GDPD5: variants seen among roughly 807,000 people sequenced by gnomAD.
GDPD5 encodes the protein glycerophosphodiester phosphodiesterase 2.
Under a neutral mutation model 75.1 loss-of-function variants are expected in GDPD5, and 48 were observed. That is an observed-to-expected ratio of 0.64 (90% CI 0.51 to 0.81). The LOEUF (loss-of-function observed/expected upper bound fraction) is 0.81. GDPD5 is among the 40% of genes least tolerant of loss of function. GDPD5 has a pLI of 0.00. For synonymous variants in GDPD5, 336 were observed against 339.0 expected, an observed-to-expected ratio of 0.99 and a Z score of 0.10; for missense variants, 706 against 822.6, an observed-to-expected ratio of 0.86 and a Z score of 1.73.
At chr11:75,441,379 T>G (rs995156801) in intron 13 of GDPD5, 69 bp from the exon 14 acceptor site, 2 of 1,575,886 alleles carry the variant, frequency 1.3e-6, no homozygotes, top group South Asian at 2.2e-5. Context: ...TCGGGGCTGG[T>G]AAAGCACGTC....
chr11:75,504,301 T>G (rs1376837606), intron 1 of GDPD5, among the ~76,000 whole-genome samples: 5 of 152,192 alleles, frequency 3.3e-5, no homozygotes, highest in Non-Finnish European at 2.9e-5. Context: ...CTGGGCACGG[T>G]GGCAGGTGAG....
intron 15 of GDPD5, chr11:75,439,384 G>T (rs576362752): frequency 4.4e-6 from 2 of 456,338 alleles, no homozygotes; most frequent in East Asian, 6.9e-5. Flanking sequence ...AGCAGAGAGA[G>T]GGGGAGGGGG....
rs1324234678 is a variant in GDPD5 at position 75,479,913 on chromosome 11, G to A, written c.-60-2118C>T. 3.3e-5 allele frequency among the ~76,000 whole-genome samples: 5 copies of A among 152,258 alleles called. No individual in the cohort carries two copies. The South Asian group carries it at 6.2e-4, about 19-fold the overall frequency. On this transcript the variant is annotated intron_variant, in intron 2 of 16. Transcript: ENST00000336898. ...CATTCCTTTTTATGTCTAACATTCT[G>A]TTGTATGGATCTACCACATTTTGTT... is the stretch of plus-strand genomic sequence containing the variant.
At position 75,458,702 on chromosome 11, in the gene GDPD5, T is replaced by TAAATAAATAAATA. The variant is rs1565193426; in HGVS notation, c.222-917_222-916insTATTTATTTATTT. ...TAAATAAATAAATAAATAAATAAAATAAATAAATAAAAAGTGCCTTTCATG... is the reference window on the plus strand; with the variant it reads ...TAAATAAATAAATAAATAAATAAAATAAATAAATAAATAAAATAAATAAAAAGTGCCTTTCATG... On this transcript the variant is annotated intron_variant, in intron 4 of 16. Transcript: ENST00000336898. 2.5e-4 allele frequency among the ~76,000 whole-genome samples: 38 copies of TAAATAAATAAATA among 150,960 alleles called. No homozygotes were observed. The South Asian group carries it at 2.9e-3, about 12-fold the overall frequency.
At chr11:75,510,130 C>CAA (rs1382332943) in intron 1 of GDPD5, among the ~76,000 whole-genome samples, 2 of 152,226 alleles carry the variant, frequency 1.3e-5, no homozygotes, top group Non-Finnish European at 2.9e-5. Flanking sequence ...GCACGAGGGG[C>CAA]AAAGTTCCCT....
chr11:75,449,085 C>A lies in GDPD5; in HGVS notation c.606G>T (p.Val202=). Residue 202 remains valine (V), a synonymous_variant, in exon 9 of 17, where the codon GTG becomes GTT. Coordinates refer to ENST00000336898, the MANE Select transcript of GDPD5 (RefSeq NM_030792.8). ...QVTILCTFFT[V]VFALYLAPLT... ...GAGGGGCCAGGTAGAGGGCAAACACCACGGTGAAGAAGGTACAGAGAATGG... is the reference window on the plus strand; with the variant it reads ...GAGGGGCCAGGTAGAGGGCAAACACAACGGTGAAGAAGGTACAGAGAATGG... The A allele has an allele frequency of 6.2e-7, 1 of 1,604,556 alleles. No individual in the cohort carries two copies. Among genetic ancestry groups the A allele is most frequent in the Non-Finnish European group, 8.5e-7 (1 of 1,176,140 alleles).
At chr11:75,522,473 T>C (rs963083877) in intron 1 of GDPD5, among the ~76,000 whole-genome samples, 12 of 152,018 alleles carry the variant, frequency 7.9e-5, no homozygotes, top group African/African-American at 2.9e-4. Flanking sequence ...TTCTGCCCTG[T>C]ACCCTCCCCC....
At chr11:75,515,520 A>T (rs557608091) in intron 1 of GDPD5, among the ~76,000 whole-genome samples, 1 of 152,250 alleles carries the variant, frequency 6.6e-6, no homozygotes, top group East Asian at 1.9e-4. Flanking sequence ...CCTGACATTC[A>T]TAGGCTCCTG....
Position 75,435,673 on chromosome 11 carries a change from G to A in GDPD5, c.1670-18C>T, listed in dbSNP as rs1467287581. On this transcript the variant is annotated intron_variant, in intron 16 of 16. Coordinates refer to ENST00000336898, the MANE Select transcript of GDPD5 (RefSeq NM_030792.8). The stretch of plus-strand genomic sequence containing the variant: ...GCTGATCTCTGCTGGGCCAGAGGGA[G>A]ACAGAATGTGAGTCGGGGAGGAGGC... The A allele has an allele frequency of 1.9e-6, 3 of 1,578,644 alleles. No homozygotes were observed. Among genetic ancestry groups the A allele is most frequent in the South Asian group, 2.3e-5 (2 of 86,586 alleles).
intron 1 of GDPD5, among the ~76,000 whole-genome samples, chr11:75,515,167 A>C (rs934341275): frequency 6.6e-6 from 1 of 152,164 alleles, no homozygotes; most frequent in African/African-American, 2.4e-5. Flanking sequence ...TGGAGATGCC[A>C]GGGGCATTCC....
chr11:75,520,858 C>T (rs1380002266), intron 1 of GDPD5, among the ~76,000 whole-genome samples: 1 of 152,222 alleles, frequency 6.6e-6, no homozygotes, highest in Non-Finnish European at 1.5e-5. Context: ...GCCAACTTGG[C>T]CTGGCCTGGC....
chr11:75,456,233 G>C (rs868280530), intron 6 of GDPD5, among the ~76,000 whole-genome samples: 12 of 152,198 alleles, frequency 7.9e-5, no homozygotes, highest in African/African-American at 2.9e-4. Context: ...ATCAGCAGGG[G>C]CCAGATCATG....
intron 6 of GDPD5, among the ~76,000 whole-genome samples, chr11:75,453,344 C>T (rs1231032293): frequency 6.6e-6 from 1 of 152,140 alleles, no homozygotes; most frequent in East Asian, 1.9e-4. Flanking sequence ...ATAGGCCAGG[C>T]ATGGTGGATC....
intron 9 of GDPD5, chr11:75,448,466 C>A: frequency 1.0e-6 from 1 of 985,694 alleles, no homozygotes; most frequent in Non-Finnish European, 1.2e-6. Flanking sequence ...ACTCAGGCAA[C>A]ATGGCTCTGG....
chr11:75,437,065 G>A lies in GDPD5; in HGVS notation c.1557-17C>T, dbSNP rs747451006. On this transcript the variant is annotated splice_polypyrimidine_tract_variant and intron_variant, in intron 15 of 16. Transcript: ENST00000336898. Reference sequence around the variant, plus strand: ...AGGCGCCACCTGCAGAGATGGCCCCGTGGGCATCAGGTCTCTCCTCAGCCC... The same window carrying A: ...AGGCGCCACCTGCAGAGATGGCCCCATGGGCATCAGGTCTCTCCTCAGCCC... 77 of 1,589,274 alleles carry A rather than the reference G, an allele frequency of 4.8e-5. No homozygotes were observed. Among genetic ancestry groups the A allele is most frequent in the Non-Finnish European group, 5.5e-5 (64 of 1,159,162 alleles).
chr11:75,459,104 T>C (rs1383114436), intron 4 of GDPD5, among the ~76,000 whole-genome samples: 3 of 152,184 alleles, frequency 2.0e-5, no homozygotes, highest in Non-Finnish European at 4.4e-5. Context: ...CATTTACTTA[T>C]GCCAGTAAAA....
chr11:75,454,319 T>C (rs906294742), intron 6 of GDPD5, among the ~76,000 whole-genome samples: 3 of 152,242 alleles, frequency 2.0e-5, no homozygotes, highest in African/African-American at 7.2e-5. Flanking sequence ...GTACCACTTT[T>C]CACCCATCAG....
intron 12 of GDPD5, among the ~76,000 whole-genome samples, 166 bp downstream of exon 12, chr11:75,442,197 C>T (rs1330088286): frequency 6.6e-6 from 1 of 152,234 alleles, no homozygotes; most frequent in Non-Finnish European, 1.5e-5. Context: ...TTTTCTTGTT[C>T]CCCTCTTGTC....
At chr11:75,443,421 C>T in intron 10 of GDPD5, 135 bp from the exon 11 acceptor site, 1 of 1,015,342 alleles carries the variant, frequency 9.8e-7, no homozygotes, top group Non-Finnish European at 1.4e-6. Context: ...GGGCCTCAGT[C>T]TCCCCATCTG....
Sources: allele counts gnomAD v4.1 joint callset (sites outside exome capture counted in the v4.1 genomes callset), GRCh38; gene constraint gnomAD v4.1.1; transcripts MANE v1.5; gene names NCBI Gene and HGNC (gene_info 2026-07-23, HGNC 2026-07-21).